EPHB1: variants seen among roughly 807,000 people sequenced by gnomAD.
EPHB1 encodes the protein ephrin type-B receptor 1.
In EPHB1, 30 loss-of-function variants were observed where a neutral mutation model predicts 94.4. The ratio of observed to expected loss-of-function variants is 0.32; its 90% CI spans 0.24 to 0.43. EPHB1 has a LOEUF of 0.43. Ranked by LOEUF, EPHB1 falls within the 20% of genes least tolerant of loss-of-function variation. EPHB1 has a pLI of 1.00. For missense variants in EPHB1, 1,055 were observed against 1,308.3 expected, an observed-to-expected ratio of 0.81 and a Z score of 2.99; for synonymous variants, 522 against 489.1, an observed-to-expected ratio of 1.07 and a Z score of -0.89.
chr3:134,985,690 C>T (rs1260248300), intron 3 of EPHB1, among the ~76,000 whole-genome samples: 1 of 152,072 alleles, frequency 6.6e-6, no homozygotes, highest in Non-Finnish European at 1.5e-5. Context: ...GTAACATGCC[C>T]AGCACATTCG....
chr3:134,939,836 T>TC (rs1261820261), intron 2 of EPHB1, among the ~76,000 whole-genome samples: 1 of 152,172 alleles, frequency 6.6e-6, no homozygotes, highest in Non-Finnish European at 1.5e-5. Context: ...CCAAGAAAGC[T>TC]CCATTATGGT....
intron 10 of EPHB1, among the ~76,000 whole-genome samples, chr3:135,188,278 C>A (rs1339367857): frequency 6.8e-6 from 1 of 147,318 alleles, no homozygotes; most frequent in Admixed American, 6.8e-5. Flanking sequence ...GGGCAGATCA[C>A]GAGGTCAGGA....
At chr3:134,986,186 C>T (rs1934588303) in intron 3 of EPHB1, among the ~76,000 whole-genome samples, 1 of 152,158 alleles carries the variant, frequency 6.6e-6, no homozygotes, top group South Asian at 2.1e-4. Flanking sequence ...TGACTCTTTT[C>T]CAGATGATTA....
intron 3 of EPHB1, among the ~76,000 whole-genome samples, chr3:134,997,945 G>A (rs535314889): frequency 3.3e-5 from 5 of 152,252 alleles, no homozygotes; most frequent in East Asian, 1.9e-4. Flanking sequence ...TTTTATAGGC[G>A]GGGTTAATAG....
At chr3:134,919,914 G>C (rs556574007) in intron 1 of EPHB1, among the ~76,000 whole-genome samples, 1 of 152,048 alleles carries the variant, frequency 6.6e-6, no homozygotes, top group Non-Finnish European at 1.5e-5. Context: ...GAAGGGGACG[G>C]GGGTGGTCTC....
At chr3:135,223,206 G>T (rs527245382) in intron 12 of EPHB1, among the ~76,000 whole-genome samples, 1 of 152,246 alleles carries the variant, frequency 6.6e-6, no homozygotes, top group South Asian at 2.1e-4. Flanking sequence ...TTATATATGA[G>T]TCTGTCCACA....
intron 3 of EPHB1, among the ~76,000 whole-genome samples, chr3:134,957,253 G>C (rs1251821448): frequency 1.3e-5 from 2 of 152,044 alleles, no homozygotes; most frequent in Admixed American, 6.6e-5. Context: ...CCAAACATGG[G>C]GATTTTAAAA....
At chr3:135,217,534 A>G (rs1943181339) in intron 12 of EPHB1, among the ~76,000 whole-genome samples, 1 of 152,154 alleles carries the variant, frequency 6.6e-6, no homozygotes, top group South Asian at 2.1e-4. Context: ...TACGCAAAGC[A>G]TAGTTAGAGA....
chr3:135,260,230 G>A lies in EPHB1; in HGVS notation c.*1110G>A, dbSNP rs1933584937. 2 of 232,992 alleles carry A rather than the reference G, an allele frequency of 8.6e-6. No homozygotes were observed. The highest frequency in any genetic ancestry group is 1.7e-5 in the Non-Finnish European group (2 of 117,582). 14.4% of individuals were successfully genotyped at this position (232,992 alleles called of 1,614,324 possible). ...CACTGGAATCTGCAATTCAAGAAGT[G>A]ACAAGGGAGAATTCTTGCTTTACCT... On this transcript the variant is annotated 3_prime_UTR_variant, in exon 16 of 16. Coordinates refer to ENST00000398015, the MANE Select transcript of EPHB1 (RefSeq NM_004441.5).
intron 9 of EPHB1, among the ~76,000 whole-genome samples, chr3:135,168,282 G>A (rs961207597): frequency 2.6e-5 from 4 of 152,144 alleles, no homozygotes; most frequent in East Asian, 1.9e-4. Context: ...GCTTTCCCAC[G>A]GTGCCCCAGG....
At chr3:135,204,433 T>G (rs1400160035) in intron 12 of EPHB1, among the ~76,000 whole-genome samples, 2 of 152,118 alleles carry the variant, frequency 1.3e-5, no homozygotes, top group East Asian at 3.9e-4. Context: ...CTCGAACTCT[T>G]GACCTCAGTT....
intron 11 of EPHB1, among the ~76,000 whole-genome samples, chr3:135,194,759 G>C (rs1215756646): frequency 6.6e-6 from 1 of 152,176 alleles, no homozygotes; most frequent in Non-Finnish European, 1.5e-5. Context: ...AGATTACTGA[G>C]CCCATGTACT....
At chr3:134,920,815 G>A (rs973993043) in intron 1 of EPHB1, among the ~76,000 whole-genome samples, 2 of 152,104 alleles carry the variant, frequency 1.3e-5, no homozygotes, top group Admixed American at 6.5e-5. Flanking sequence ...CCCACCATCC[G>A]GACCCCCAGG....
intron 1 of EPHB1, among the ~76,000 whole-genome samples, chr3:134,847,763 T>A (rs536304666): frequency 1.3e-5 from 2 of 152,184 alleles, no homozygotes; most frequent in African/African-American, 4.8e-5. Flanking sequence ...AAATCGCATA[T>A]GTGGAGTCAG....
intron 15 of EPHB1, among the ~76,000 whole-genome samples, chr3:135,253,839 C>G (rs1172738036): frequency 6.6e-6 from 1 of 152,118 alleles, no homozygotes; most frequent in Non-Finnish European, 1.5e-5. Context: ...TTCTTCCTAC[C>G]CATGAGCATG....
chr3:134,989,070 C>T (rs1317248712), intron 3 of EPHB1, among the ~76,000 whole-genome samples: 1 of 152,216 alleles, frequency 6.6e-6, no homozygotes, highest in Non-Finnish European at 1.5e-5. Flanking sequence ...TGGACCCCTA[C>T]AGAGCTCTTT....
intron 1 of EPHB1, among the ~76,000 whole-genome samples, chr3:134,838,107 C>T (rs1328980406): frequency 1.3e-5 from 2 of 152,182 alleles, no homozygotes; most frequent in African/African-American, 4.8e-5. Flanking sequence ...AAGCCCCCAA[C>T]ACACTCATGC....
chr3:134,940,244 G>A (rs1268447760), intron 2 of EPHB1, among the ~76,000 whole-genome samples: 1 of 152,194 alleles, frequency 6.6e-6, no homozygotes, highest in Non-Finnish European at 1.5e-5. Flanking sequence ...ACATAATCAC[G>A]ATGATGATGA....
chr3:134,928,582 T>C (rs1195557435), intron 2 of EPHB1, among the ~76,000 whole-genome samples: 5 of 152,100 alleles, frequency 3.3e-5, no homozygotes, highest in African/African-American at 1.2e-4. Context: ...GGAGTATGCT[T>C]GGGTGGGAAG....
Sources: gnomAD v4.1 joint callset for allele counts (sites outside exome capture counted in the v4.1 genomes callset) on GRCh38, gnomAD v4.1.1 for gene constraint, MANE v1.5 for transcripts, NCBI Gene and HGNC (gene_info 2026-07-23, HGNC 2026-07-21) for gene names.